SUGCT: variants seen among roughly 807,000 people sequenced by gnomAD.
SUGCT encodes the protein succinyl-CoA:glutarate CoA-transferase.
A neutral mutation model predicts 55.0 loss-of-function variants in SUGCT; 41 were observed. The ratio of observed to expected loss-of-function variants is 0.74; its 90% confidence interval spans 0.58 to 0.97. The LOEUF (loss-of-function observed/expected upper bound fraction) is 0.97, where lower values mean the gene tolerates loss of function less well. SUGCT is among the 50% of genes least tolerant of loss of function. The pLI is 0.00. For missense variants in SUGCT, 568 were observed against 547.8 expected, an observed-to-expected ratio of 1.04 and a Z score of -0.37; for synonymous variants, 187 against 200.4, an observed-to-expected ratio of 0.93 and a Z score of 0.56.
intron 7 of SUGCT, among the ~76,000 whole-genome samples, chr7:40,250,252 T>A (rs890900399): frequency 2.0e-5 from 3 of 151,766 alleles, no homozygotes; most frequent in African/African-American, 7.3e-5. Context: ...ACAAAAAAAT[T>A]AGCGGGGCGT....
intron 6 of SUGCT, among the ~76,000 whole-genome samples, chr7:40,215,440 C>T (rs1787570077): frequency 6.6e-6 from 1 of 152,090 alleles, no homozygotes; most frequent in Non-Finnish European, 1.5e-5. Context: ...TAGGTGTGAA[C>T]CACCCACTCT....
At chr7:40,953,071 C>T in the SUGCT span, among the ~76,000 whole-genome samples, 5 of 152,126 alleles carry the variant, frequency 3.3e-5, no homozygotes, top group African/African-American at 4.8e-5. Flanking sequence ...CCATTCTTCC[C>T]GTCCCTTTCA....
At chr7:40,267,874 C>G (rs1356116638) in intron 7 of SUGCT, among the ~76,000 whole-genome samples, 2 of 152,146 alleles carry the variant, frequency 1.3e-5, no homozygotes, top group Non-Finnish European at 1.5e-5. Context: ...GCATAGCCAC[C>G]TCAGAATTGT....
intron 8 of SUGCT, among the ~76,000 whole-genome samples, chr7:40,309,443 C>G (rs1195425146): frequency 2.0e-5 from 3 of 152,102 alleles, no homozygotes; most frequent in Admixed American, 1.3e-4. Context: ...TATAGGCACT[C>G]ACCACCATGC....
At chr7:40,135,391 G>T (rs1787625684) in intron 1 of SUGCT, among the ~76,000 whole-genome samples, 1 of 152,208 alleles carries the variant, frequency 6.6e-6, no homozygotes, top group South Asian at 2.1e-4. Flanking sequence ...CTCGCGTTTG[G>T]GGCCTCTTTA....
chr7:40,551,064 C>T (rs753799197), intron 12 of SUGCT, among the ~76,000 whole-genome samples: 2 of 152,152 alleles, frequency 1.3e-5, no homozygotes, highest in Admixed American at 6.5e-5. Flanking sequence ...CCTTGTTGCT[C>T]GGAGGCCCTC....
intron 12 of SUGCT, among the ~76,000 whole-genome samples, chr7:40,604,946 G>A (rs1798452962): frequency 6.6e-6 from 1 of 152,224 alleles, no homozygotes; most frequent in Non-Finnish European, 1.5e-5. Context: ...AAAGGCTTGG[G>A]TTTGTTGAAC....
intron 6 of SUGCT, among the ~76,000 whole-genome samples, chr7:40,200,078 T>C (rs2150762354): frequency 6.6e-6 from 1 of 152,288 alleles, no homozygotes; most frequent in Middle Eastern, 3.4e-3. Context: ...TACATGAGTA[T>C]TCGTCATTCT....
At chr7:40,642,665 A>G (rs1008387263) in intron 12 of SUGCT, among the ~76,000 whole-genome samples, 1 of 152,264 alleles carries the variant, frequency 6.6e-6, no homozygotes, top group Non-Finnish European at 1.5e-5. Context: ...CCAGTGAAAT[A>G]CAGGTTGAAA....
intron 1 of SUGCT, among the ~76,000 whole-genome samples, chr7:40,151,225 T>C (rs1788554825): frequency 6.6e-6 from 1 of 152,096 alleles, no homozygotes. Context: ...GGTGACAGAG[T>C]GAGACTCCGT....
chr7:40,448,244 CCCTT>C lies in SUGCT; in HGVS notation c.817-1025_817-1022del, dbSNP rs1405665874. Among the ~76,000 whole-genome samples the C allele has an allele frequency of 3.8e-3, 523 of 138,020 alleles. 1 individual carries two copies. Among genetic ancestry groups the C allele is most frequent in the Admixed American group, 6.9e-3 (94 of 13,554 alleles). The allele number at this position is 138,020 out of a possible 152,430, so 90.5% of individuals were successfully genotyped here. On this transcript the variant is annotated intron_variant, in intron 9 of 13. Coordinates refer to ENST00000335693, the MANE Select transcript of SUGCT (RefSeq NM_001193313.2). Reference sequence around the variant, plus strand: ...TCCCTCCCTCCCTCCCTCCCTCCCTCCCTTCCTTCCTTCCTTCCTTCTCCTTCCT... The same window carrying C: ...TCCCTCCCTCCCTCCCTCCCTCCCTCCCTTCCTTCCTTCCTTCTCCTTCCT...
chr7:40,913,415 A>G, the SUGCT span, among the ~76,000 whole-genome samples: 3 of 152,164 alleles, frequency 2.0e-5, no homozygotes, highest in Admixed American at 2.0e-4. Flanking sequence ...CCATTAGTCC[A>G]CCCAAAGTAA....
rs781308348 is a variant in SUGCT, at chr7:40,567,864, C to T, written c.1089+71478C>T. Among the ~76,000 whole-genome samples the T allele has an allele frequency of 3.3e-5, 5 of 152,296 alleles. No homozygotes were observed. The East Asian group carries it at 9.6e-4, about 29-fold the overall frequency. On this transcript the variant is annotated intron_variant, in intron 12 of 13. Coordinates refer to ENST00000335693, the MANE Select transcript of SUGCT (RefSeq NM_001193313.2). ...GCAAAAGAAATTTCAAATTGAGCAACACCACAACCTTTGAAGCTACAGAAG... is the reference window on the plus strand; with the variant it reads ...GCAAAAGAAATTTCAAATTGAGCAATACCACAACCTTTGAAGCTACAGAAG...
intron 12 of SUGCT, among the ~76,000 whole-genome samples, chr7:40,656,618 C>T (rs1416019286): frequency 6.6e-6 from 1 of 152,196 alleles, no homozygotes; most frequent in East Asian, 1.9e-4. Flanking sequence ...CTTGACCTTT[C>T]TTAAAACCTA....
chr7:40,883,497 C>A, the SUGCT span, among the ~76,000 whole-genome samples: 1 of 152,164 alleles, frequency 6.6e-6, no homozygotes, highest in Non-Finnish European at 1.5e-5. Context: ...TCTGTATGAA[C>A]TTAGAAAAGT....
At chr7:40,967,224 A>T in the SUGCT span, 1 of 152,206 alleles carries the variant, frequency 6.6e-6, no homozygotes, top group African/African-American at 2.4e-5. Context: ...CACAGGCCAG[A>T]GTGCAATCTC....
chr7:41,008,880 G>A, the SUGCT span, among the ~76,000 whole-genome samples: 2 of 152,046 alleles, frequency 1.3e-5, no homozygotes, highest in African/African-American at 4.8e-5. Flanking sequence ...CCGAAGGGAT[G>A]GTATCTGGTC....
chr7:40,818,374 G>C (rs964282573), intron 13 of SUGCT, among the ~76,000 whole-genome samples: 7 of 152,204 alleles, frequency 4.6e-5, no homozygotes, highest in Non-Finnish European at 1.0e-4. Flanking sequence ...CCATAGATTG[G>C]TAGCTATTGA....
At chr7:40,362,157 G>A (rs1211259192) in intron 9 of SUGCT, among the ~76,000 whole-genome samples, 1 of 151,968 alleles carries the variant, frequency 6.6e-6, no homozygotes, top group Non-Finnish European at 1.5e-5. Flanking sequence ...AGTGGCTATC[G>A]CCTGTAATCC....
Sources: allele counts gnomAD v4.1 joint callset (sites outside exome capture counted in the v4.1 genomes callset), GRCh38; gene constraint gnomAD v4.1.1; transcripts MANE v1.5; gene names NCBI Gene and HGNC (gene_info 2026-07-23, HGNC 2026-07-21).